Variants in BICRA observed in about 807,000 individuals in gnomAD.
The protein encoded by BICRA is BRD4 interacting chromatin remodeling complex associated protein, also known as BRD4-interacting chromatin-remodeling complex-associated protein.
A neutral mutation model predicts 96.9 loss-of-function variants in BICRA; 31 were observed. That is an observed-to-expected ratio of 0.32 (90% confidence interval 0.24 to 0.43). The LOEUF (loss-of-function observed/expected upper bound fraction) is 0.43, where lower values mean the gene tolerates loss of function less well. Among genes scored for constraint, BICRA ranks in the 20% least tolerant of loss-of-function variants. The probability of loss-of-function intolerance (pLI) is 1.00; values close to 1 mark genes in which losing one functional copy is unlikely to be tolerated. For synonymous variants in BICRA, 1,350 were observed against 1,071.8 expected (o/e 1.26, Z -5.07); for missense variants, 2,283 against 2,190.3 (o/e 1.04, Z -0.84).
Position 47,675,500 on chromosome 19 carries a change from C to T in BICRA, c.85-351C>T, listed in dbSNP as rs149575980. On this transcript the variant is annotated intron_variant, in intron 4 of 14. Transcript: ENST00000594866. This position sits in a 1 kb window ranked among gnomAD's most constrained non-coding sequence, Gnocchi z 4.7. ...AGAAGGGACAGGAGCTGTTGGACCA[C>T]GAGTGACCACTCCTGAAGGCTGTGC... 1.1e-4 allele frequency among the ~76,000 whole-genome samples: 17 copies of T among 152,298 alleles called. No individual in the cohort carries two copies. The East Asian group carries it at 2.1e-3, about 19-fold the overall frequency.
rs1327802786 is a variant in BICRA at position 47,673,760 on chromosome 19, A to C, written c.82A>C (p.Lys28Gln). The change falls in exon 4 of 15, where the codon AAG becomes CAG. Residue 28 changes from lysine (K) to glutamine (Q), a missense_variant and splice_region_variant. Physicochemically the swap from Lys to Gln is moderately conservative, Grantham distance 53 (BLOSUM62 1). Coordinates refer to ENST00000594866, the MANE Select transcript of BICRA (RefSeq NM_001394372.1). ...CAATGACTTCTTGCATGGATCCGAG[A>C]AGGTAAGCATGGGCGCAGGGAGAGG... is the stretch of plus-strand genomic sequence containing the variant. ...ALNDFLHGSEKLDSDDLLDNP... is the reference protein window; with the variant it reads ...ALNDFLHGSEQLDSDDLLDNP... The C allele has an allele frequency of 6.2e-7, 1 of 1,612,546 alleles. No individual in the cohort carries two copies. Among genetic ancestry groups the C allele is most frequent in the South Asian group, 1.1e-5 (1 of 91,030 alleles).
intron 1 of BICRA, among the ~76,000 whole-genome samples, chr19:47,626,923 T>C (rs1972149992): frequency 1.3e-5 from 2 of 152,010 alleles, no homozygotes; most frequent in Admixed American, 1.3e-4. Flanking sequence ...GGTTTCACCA[T>C]GTCAGTCAGG....
At chr19:47,676,383 G>A (rs1027300380) in intron 5 of BICRA, among the ~76,000 whole-genome samples, 3 of 152,106 alleles carry the variant, frequency 2.0e-5, no homozygotes, top group African/African-American at 7.2e-5. Flanking sequence ...GAATATGGGT[G>A]CTGAGAAAAG....
Position 47,703,126 on chromosome 19 carries a change from G to A in BICRA, c.*711G>A, listed in dbSNP as rs1324431468. Reference sequence around the variant, plus strand: ...CTGTTCTTCCTGCCTCCAGCCGCCCGCGCCAGATTTTGAAATCTCGGAGAC... The same window carrying A: ...CTGTTCTTCCTGCCTCCAGCCGCCCACGCCAGATTTTGAAATCTCGGAGAC... On this transcript the variant is annotated 3_prime_UTR_variant, in exon 15 of 15. Coordinates refer to ENST00000594866, the MANE Select transcript of BICRA (RefSeq NM_001394372.1). 1 of 152,698 alleles carries A rather than the reference G, an allele frequency of 6.5e-6. No homozygotes were observed. The highest frequency in any genetic ancestry group is 1.5e-5 in the Non-Finnish European group (1 of 68,122). The allele number at this position is 152,698 out of a possible 1,614,324, so 9.5% of individuals were successfully genotyped here. A position where few individuals can be genotyped will look rare whatever the true frequency, so the allele number is the denominator to read the frequency against.
intron 5 of BICRA, 96 bp downstream of exon 5, chr19:47,676,012 T>A: frequency 1.7e-6 from 1 of 599,726 alleles, no homozygotes; most frequent in Non-Finnish European, 2.8e-6. Flanking sequence ...GCTCATCTCG[T>A]GAGGGCTGTT....
chr19:47,674,765 C>T (rs1972916890), intron 4 of BICRA, among the ~76,000 whole-genome samples: 1 of 152,176 alleles, frequency 6.6e-6, no homozygotes, highest in Admixed American at 6.5e-5. Flanking sequence ...TGAGTGTCTT[C>T]ACAGCATGGC....
intron 1 of BICRA, among the ~76,000 whole-genome samples, chr19:47,668,712 G>A (rs1972819873): frequency 6.6e-6 from 1 of 151,980 alleles, no homozygotes; most frequent in African/African-American, 2.4e-5. Flanking sequence ...GGCTGGTCTC[G>A]AACTCCTGGC....
chr19:47,619,178 G>A (rs1427894125), intron 1 of BICRA, among the ~76,000 whole-genome samples: 1 of 115,802 alleles, frequency 8.6e-6, no homozygotes, highest in Non-Finnish European at 1.7e-5. Flanking sequence ...TTCGTGGACA[G>A]TGTATATATA....
At chr19:47,621,922 G>T (rs1305490564) in intron 1 of BICRA, among the ~76,000 whole-genome samples, 1 of 152,006 alleles carries the variant, frequency 6.6e-6, no homozygotes, top group Non-Finnish European at 1.5e-5. Context: ...TTCTCAAGTA[G>T]CTGGTGTTAC....
In BICRA at chr19:47,702,705, C is replaced by T. The variant is rs1973487245; in HGVS notation, c.*290C>T. The T allele has an allele frequency of 4.4e-6, 2 of 459,760 alleles. No individual in the cohort carries two copies. The highest frequency in any genetic ancestry group is 3.1e-5 in the South Asian group (1 of 32,258). 28.5% of individuals were successfully genotyped at this position (459,760 alleles called of 1,614,324 possible). A position where few individuals can be genotyped will look rare whatever the true frequency, so the allele number is the denominator to read the frequency against. ...TTCCCATTTCCTGGCACACTCTGCC[C>T]CTCTGTCCGGGGGACACGCGCATGT... On this transcript the variant is annotated 3_prime_UTR_variant, in exon 15 of 15. Coordinates refer to ENST00000594866, the MANE Select transcript of BICRA (RefSeq NM_001394372.1).
intron 1 of BICRA, among the ~76,000 whole-genome samples, chr19:47,613,987 A>G (rs914933789): frequency 2.6e-5 from 4 of 151,858 alleles, no homozygotes; most frequent in Non-Finnish European, 4.4e-5. Context: ...ATTGTTCCCA[A>G]TTAAACTTCC....
Position 47,694,215 on chromosome 19 carries a change from A to AC in BICRA, c.2388dup (p.Thr797HisfsTer74). ...GACAGCCCCCACCTGCCCTCCCCACACCCCACCCGGCCCCCTTCCCGCCCA... is the reference window on the plus strand; with the variant it reads ...GACAGCCCCCACCTGCCCTCCCCACACCCCCACCCGGCCCCCTTCCCGCCCA... On this transcript the variant is annotated frameshift_variant, in exon 8 of 15. Coordinates refer to ENST00000594866, the MANE Select transcript of BICRA (RefSeq NM_001394372.1). LOFTEE classifies it high-confidence loss of function. The AC allele has an allele frequency of 2.6e-6, 1 of 390,044 alleles. No individual in the cohort carries two copies. The highest frequency in any genetic ancestry group is 3.2e-6 in the Non-Finnish European group (1 of 315,924). 24.2% of individuals were successfully genotyped at this position (390,044 alleles called of 1,614,324 possible).
At chr19:47,666,062 G>A (rs1347304464) in intron 1 of BICRA, among the ~76,000 whole-genome samples, 3 of 152,202 alleles carry the variant, frequency 2.0e-5, no homozygotes, top group Non-Finnish European at 4.4e-5. Context: ...TTAGGGCATG[G>A]ATTAGAGGTG....
chr19:47,609,986 C>T lies in BICRA; in HGVS notation c.-108+818C>T, dbSNP rs1383327328. 4.6e-5 allele frequency among the ~76,000 whole-genome samples: 7 copies of T among 152,282 alleles called. No individual in the cohort carries two copies. In the East Asian group the frequency reaches 1.2e-3, roughly 25 times the overall value. ...CGGGGGTGGGGGGGGTGAGCGCCTC[C>T]TGTCACTTCCCGAGGTTCGGGGCGG... On this transcript the variant is annotated intron_variant, in intron 1 of 14. Coordinates refer to ENST00000594866, the MANE Select transcript of BICRA (RefSeq NM_001394372.1).
At chr19:47,654,088 T>C (rs1185463090) in intron 1 of BICRA, among the ~76,000 whole-genome samples, 2 of 152,166 alleles carry the variant, frequency 1.3e-5, no homozygotes, top group Admixed American at 6.5e-5. Flanking sequence ...AACTCTATGT[T>C]TAACTTTTGG....
chr19:47,658,910 CGT>C (rs1233300352), intron 1 of BICRA, among the ~76,000 whole-genome samples: 1 of 152,134 alleles, frequency 6.6e-6, no homozygotes, highest in African/African-American at 2.4e-5. Context: ...TGCCTGATGA[CGT>C]GTGAGTCCCT....
At chr19:47,629,789 C>T (rs1380874283) in intron 1 of BICRA, among the ~76,000 whole-genome samples, 3 of 152,110 alleles carry the variant, frequency 2.0e-5, no homozygotes, top group African/African-American at 7.2e-5. Context: ...TCCTGAGTAG[C>T]TGGGATTACA....
At chr19:47,668,973 G>A (rs1017231771) in intron 1 of BICRA, among the ~76,000 whole-genome samples, 2 of 152,004 alleles carry the variant, frequency 1.3e-5, no homozygotes, top group African/African-American at 4.8e-5. Context: ...GGGTATAGTG[G>A]CAGGTGCCTT....
In BICRA at chr19:47,680,625, G is replaced by A. The variant is rs1258643791; in HGVS notation, c.1455G>A (p.Gln485=). The A allele has an allele frequency of 9.9e-6, 16 of 1,610,226 alleles. No homozygotes were observed. The African/African-American group carries it at 2.0e-4, about 20-fold the overall frequency. ...CCCCGGCGGTCCAGCTCCCGCAGCA[G>A]CTCTCAGCCCTGCCGGCCAACGTGG... is the stretch of plus-strand genomic sequence containing the variant. ...PGAPAVQLPQ[Q]LSALPANVGG... is the part of the protein sequence containing the mutation. The change falls in exon 6 of 15, where the codon CAG becomes CAA. Residue 485 remains glutamine, a synonymous_variant. Coordinates refer to ENST00000594866, the MANE Select transcript of BICRA (RefSeq NM_001394372.1).
Sources: allele counts gnomAD v4.1 joint callset (sites outside exome capture counted in the v4.1 genomes callset), GRCh38; gene constraint gnomAD v4.1.1; non-coding constraint Gnocchi (gnomAD v3.1); transcripts MANE v1.5; gene names NCBI Gene and HGNC (gene_info 2026-07-23, HGNC 2026-07-21).